MYRFL: variants seen among roughly 807,000 people sequenced by gnomAD.
The protein encoded by MYRFL is myelin regulatory factor like.
In MYRFL, 88 loss-of-function variants were observed where a neutral mutation model predicts 109.4. The observed-to-expected ratio is 0.80, with a 90% CI of 0.68 to 0.96. MYRFL has a LOEUF of 0.96. Ranked by LOEUF, MYRFL falls within the 40% of genes least tolerant of loss-of-function variation. The pLI, the probability that MYRFL is intolerant of heterozygous loss-of-function variation, is 0.00. For synonymous variants in MYRFL, 324 were observed against 320.9 expected (o/e 1.01, Z -0.10); for missense variants, 957 against 954.9 (o/e 1.00, Z -0.03).
intron 1 of MYRFL, among the ~76,000 whole-genome samples, chr12:69,837,725 A>G (rs1048208101): frequency 6.6e-6 from 1 of 152,078 alleles, no homozygotes; most frequent in African/African-American, 2.4e-5. Flanking sequence ...TCTGGAGCAC[A>G]CTTCCCTGCC....
chr12:69,845,325 T>C (rs1202746277), intron 1 of MYRFL, among the ~76,000 whole-genome samples: 1 of 152,296 alleles, frequency 6.6e-6, no homozygotes, highest in Middle Eastern at 3.4e-3. Context: ...TGGCACATGG[T>C]AGGTCCTTAG....
At chr12:69,903,122 G>A (rs914095518) in intron 10 of MYRFL, among the ~76,000 whole-genome samples, 12 of 152,122 alleles carry the variant, frequency 7.9e-5, no homozygotes, top group African/African-American at 2.7e-4. Flanking sequence ...GGGAATAGTT[G>A]ATGTATATTA....
At chr12:69,939,886 C>T (rs995854863) in intron 19 of MYRFL, among the ~76,000 whole-genome samples, 9 of 151,750 alleles carry the variant, frequency 5.9e-5, no homozygotes, top group African/African-American at 9.7e-5. Flanking sequence ...TCGAGAACTA[C>T]GTGAAGAATG....
intron 5 of MYRFL, among the ~76,000 whole-genome samples, chr12:69,885,387 C>T (rs1886384975): frequency 1.3e-5 from 2 of 151,876 alleles, no homozygotes; most frequent in Admixed American, 6.6e-5. Flanking sequence ...AGGAAGTCCT[C>T]AATGGAAGTA....
intron 13 of MYRFL, 39 bp from the exon 14 acceptor site, chr12:69,926,532 T>C (rs1312760403): frequency 6.9e-7 from 1 of 1,440,100 alleles, no homozygotes; most frequent in African/African-American, 1.4e-5. Context: ...TGATCTCAAA[T>C]TGTTAATTTA....
chr12:69,894,800 G>C lies in MYRFL; in HGVS notation c.981-571G>C, dbSNP rs535161414. ...TTTTGACCCTGAATCAATCCCCTTT[G>C]GGCTGAGAAGAAGATGATTTCATGG... On this transcript the variant is annotated intron_variant, in intron 8 of 24. Transcript: ENST00000552032. Among the ~76,000 whole-genome samples, 337 of 152,322 alleles carry C rather than the reference G, an allele frequency of 2.2e-3. 1 individual carries two copies. The highest frequency in any genetic ancestry group is 7.3e-3 in the African/African-American group (305 of 41,566).
In MYRFL at chr12:69,825,396, A is replaced by G. The variant is rs993605443; in HGVS notation, c.-122A>G. ...ATGGCTGAAGATATGCTTCACTCCA[A>G]TAAAAAGAAAATGAAGATTTTTCAA... is the stretch of plus-strand genomic sequence containing the variant. On this transcript the variant is annotated 5_prime_UTR_variant, in exon 1 of 25. Coordinates refer to ENST00000552032, the MANE Select transcript of MYRFL (RefSeq NM_182530.3). The G allele has an allele frequency of 3.9e-5, 27 of 690,372 alleles. No individual in the cohort carries two copies. The African/African-American group carries it at 4.6e-4, about 12-fold the overall frequency. 42.8% of individuals were successfully genotyped at this position (690,372 alleles called of 1,614,324 possible).
intron 1 of MYRFL, among the ~76,000 whole-genome samples, chr12:69,853,654 C>A (rs1176251404): frequency 3.4e-5 from 5 of 148,616 alleles, no homozygotes; most frequent in African/African-American, 1.3e-4. Flanking sequence ...CAGAGGGGCT[C>A]CTCACATCCC....
chr12:69,949,013 T>C (rs560332155), intron 19 of MYRFL, among the ~76,000 whole-genome samples: 35 of 152,298 alleles, frequency 2.3e-4, no homozygotes, highest in Admixed American at 2.0e-3. Flanking sequence ...CCCATATTCA[T>C]TGAGCACCAC....
intron 1 of MYRFL, among the ~76,000 whole-genome samples, chr12:69,828,511 T>C (rs1288202747): frequency 6.6e-6 from 1 of 152,136 alleles, no homozygotes; most frequent in Non-Finnish European, 1.5e-5. Context: ...TGGTTTTATC[T>C]TTAGAAATCT....
Position 69,913,695 on chromosome 12 carries a change from C to CT in MYRFL, c.1602+2766dup, listed in dbSNP as rs58632256. On this transcript the variant is annotated intron_variant, in intron 13 of 24. Transcript: ENST00000552032. Reference sequence around the variant, plus strand: ...CCAGTACCACACTGTTTTGATTACTCTAACTCTGTAGTAAGTTTTGAAATC... The same window carrying CT: ...CCAGTACCACACTGTTTTGATTACTCTTAACTCTGTAGTAAGTTTTGAAATC... Among the ~76,000 whole-genome samples the CT allele has an allele frequency of 4.9e-3, 747 of 152,264 alleles. 6 individuals are homozygous for CT. Among genetic ancestry groups the CT allele is most frequent in the African/African-American group, 0.018 (729 of 41,552 alleles).
chr12:69,936,584 G>A lies in MYRFL; in HGVS notation c.2176G>A (p.Val726Met), dbSNP rs1955477462. The change falls in exon 19 of 25, where the codon GTG (valine) becomes ATG (methionine). Residue 726 changes from valine (V) to methionine (M), a missense_variant. Physicochemically the swap from Val to Met is conservative, Grantham distance 21. Transcript: ENST00000552032. ...AATGAAAGAAGTCTCTTCAAGTCCT[G>A]TGCAAAGACAATCTGAGGAGAAGGA... ...RGMKEVSSSP[V>M]QRQSEEKEFH... 3 of 1,535,316 alleles carry A rather than the reference G, an allele frequency of 2.0e-6. No individual in the cohort carries two copies. Among genetic ancestry groups the A allele is most frequent in the African/African-American group, 2.7e-5 (2 of 73,130 alleles).
chr12:69,838,575 T>C (rs756886605), intron 1 of MYRFL, among the ~76,000 whole-genome samples: 10 of 152,254 alleles, frequency 6.6e-5, no homozygotes, highest in Non-Finnish European at 8.8e-5. Context: ...TTGCTTAACA[T>C]GTAGTCAATT....
At chr12:69,911,448 T>G (rs1954569461) in intron 13 of MYRFL, among the ~76,000 whole-genome samples, 1 of 152,228 alleles carries the variant, frequency 6.6e-6, no homozygotes, top group African/African-American at 2.4e-5. Flanking sequence ...ACTTTTACAG[T>G]ATAATCATAA....
At chr12:69,868,835 A>G (rs1188497516) in intron 2 of MYRFL, among the ~76,000 whole-genome samples, 1 of 152,216 alleles carries the variant, frequency 6.6e-6, no homozygotes, top group Non-Finnish European at 1.5e-5. Flanking sequence ...ACATGTACAC[A>G]CACATGCACA....
intron 1 of MYRFL, among the ~76,000 whole-genome samples, chr12:69,827,944 G>A (rs1012765027): frequency 2.6e-5 from 4 of 152,062 alleles, no homozygotes; most frequent in African/African-American, 9.7e-5. Context: ...CTACCTTGGA[G>A]TGATAGGATT....
Position 69,936,266 on chromosome 12 carries a change from T to C in MYRFL, c.1992-17T>C. On this transcript the variant is annotated splice_polypyrimidine_tract_variant and intron_variant, in intron 17 of 24. Coordinates refer to ENST00000552032, the MANE Select transcript of MYRFL (RefSeq NM_182530.3). Reference sequence around the variant, plus strand: ...TTGCAGCCCTCTTTCATTAATCATTTCATTCTTTTTCTCCAGCAATATCAC... The same window carrying C: ...TTGCAGCCCTCTTTCATTAATCATTCCATTCTTTTTCTCCAGCAATATCAC... The C allele has an allele frequency of 6.5e-7, 1 of 1,535,962 alleles. No homozygotes were observed. The highest frequency in any genetic ancestry group is 8.7e-7 in the Non-Finnish European group (1 of 1,146,868).
intron 2 of MYRFL, among the ~76,000 whole-genome samples, chr12:69,864,082 T>A (rs1884859313): frequency 6.6e-6 from 1 of 152,224 alleles, no homozygotes; most frequent in Non-Finnish European, 1.5e-5. Flanking sequence ...ATATTTTCTT[T>A]ATCTTTGGTA....
chr12:69,942,554 C>G (rs1040880361), intron 19 of MYRFL, among the ~76,000 whole-genome samples: 3 of 144,672 alleles, frequency 2.1e-5, no homozygotes, highest in African/African-American at 7.7e-5. Context: ...TAAGAGCTAT[C>G]TATGACAAAC....
Sources: allele counts gnomAD v4.1 joint callset (sites outside exome capture counted in the v4.1 genomes callset), GRCh38; gene constraint gnomAD v4.1.1; transcripts MANE v1.5; gene names NCBI Gene and HGNC (gene_info 2026-07-23, HGNC 2026-07-21).